The following ACSL1 variants were observed in gnomAD, a reference collection of about 807,000 sequenced individuals.
The protein encoded by ACSL1 is long-chain-fatty-acid--CoA ligase 1.
Under a neutral mutation model 98.4 loss-of-function variants are expected in ACSL1, and 41 were observed. The ratio of observed to expected loss-of-function variants is 0.42; its 90% confidence interval spans 0.32 to 0.54. ACSL1 has a LOEUF of 0.54. Among genes scored for constraint, ACSL1 ranks in the 20% least tolerant of loss-of-function variants. The pLI is 0.13. For missense variants in ACSL1, 734 were observed against 883.1 expected, an observed-to-expected ratio of 0.83 and a Z score of 2.14; for synonymous variants, 316 against 322.7, an observed-to-expected ratio of 0.98 and a Z score of 0.22.
rs764519115 is a variant in ACSL1 at position 184,773,839 on chromosome 4, T to C, written c.789+4A>G. ...CAGAGCAGGGTCTGACACGGTGTGC[T>C]TACCTTGGGCTTCCGTCTGTTGGCT... On this transcript the variant is annotated splice_donor_region_variant and intron_variant, in intron 8 of 20. Transcript: ENST00000281455. The surrounding 1 kb of genome is among the most constrained non-coding windows in gnomAD (Gnocchi z 4.3). 1.9e-6 allele frequency: 3 copies of C among 1,613,954 alleles called. No homozygotes were observed. Among genetic ancestry groups the C allele is most frequent in the Middle Eastern group, 1.7e-4 (1 of 6,056 alleles).
At chr4:184,814,290 CA>C (rs61541962) in intron 1 of ACSL1, among the ~76,000 whole-genome samples, 1,451 of 64,486 alleles carry the variant, frequency 0.023, 18 homozygotes, top group African/African-American at 0.08. Flanking sequence ...GACTCCGCCT[CA>C]AAAAAAAAAA....
At chr4:184,779,414 A>C (rs770269383) in intron 5 of ACSL1, among the ~76,000 whole-genome samples, 1 of 152,174 alleles carries the variant, frequency 6.6e-6, no homozygotes, top group Non-Finnish European at 1.5e-5. Flanking sequence ...TGCAAGTCCA[A>C]TTAAACCTCT....
At chr4:184,791,281 C>T (rs1205122112) in intron 2 of ACSL1, among the ~76,000 whole-genome samples, 1 of 152,218 alleles carries the variant, frequency 6.6e-6, no homozygotes, top group Non-Finnish European at 1.5e-5. Flanking sequence ...CAAGCTTGTT[C>T]TGAAGGAGCC....
chr4:184,804,942 A>G (rs752480916), intron 1 of ACSL1, among the ~76,000 whole-genome samples: 3 of 152,230 alleles, frequency 2.0e-5, no homozygotes, highest in Non-Finnish European at 4.4e-5. Context: ...CTGCACAGCA[A>G]AAGAAACTAC....
chr4:184,789,251 C>T (rs940978069), intron 2 of ACSL1, among the ~76,000 whole-genome samples: 1 of 152,174 alleles, frequency 6.6e-6, no homozygotes, highest in Admixed American at 6.5e-5. Context: ...TACAGACCTA[C>T]AAGTGCTGGT....
chr4:184,774,719 C>T lies in ACSL1; in HGVS notation c.757-844G>A, dbSNP rs1364636834. The stretch of plus-strand genomic sequence containing the variant: ...TGGAATGAACATGCCATTGAACACG[C>T]CATTGAACATGTTCAATTCACGTGG... On this transcript the variant is annotated intron_variant, in intron 7 of 20. Transcript: ENST00000281455. 2.0e-5 allele frequency among the ~76,000 whole-genome samples: 3 copies of T among 152,110 alleles called. No homozygotes were observed. The East Asian group carries it at 5.8e-4, about 29-fold the overall frequency.
chr4:184,770,356 G>C, intron 11 of ACSL1, 43 bp downstream of exon 11: 3 of 1,606,988 alleles, frequency 1.9e-6, no homozygotes, highest in Non-Finnish European at 2.5e-6. Flanking sequence ...CAACTTAGCA[G>C]AACATACACA....
At chr4:184,770,911 G>T (rs1579856866) in intron 10 of ACSL1, among the ~76,000 whole-genome samples, 1 of 152,122 alleles carries the variant, frequency 6.6e-6, no homozygotes, top group Admixed American at 6.5e-5. Context: ...ATCACTTGAG[G>T]TCAGGAGTTC....
intron 10 of ACSL1, among the ~76,000 whole-genome samples, chr4:184,771,595 C>T (rs1764523845): frequency 6.6e-6 from 1 of 152,150 alleles, no homozygotes; most frequent in Non-Finnish European, 1.5e-5. Flanking sequence ...ATGGGCCTTA[C>T]TTAGGGCAGG....
intron 3 of ACSL1, among the ~76,000 whole-genome samples, chr4:184,787,155 C>T (rs962758925): frequency 2.0e-5 from 3 of 152,162 alleles, no homozygotes; most frequent in Admixed American, 1.3e-4. Flanking sequence ...GATTCCAAGA[C>T]CATTTTTAGA....
intron 1 of ACSL1, among the ~76,000 whole-genome samples, chr4:184,812,523 G>A (rs1006249756): frequency 6.6e-6 from 1 of 152,098 alleles, no homozygotes; most frequent in African/African-American, 2.4e-5. Flanking sequence ...GGGGGAAAAA[G>A]AAAAGGGTGC....
intron 1 of ACSL1, among the ~76,000 whole-genome samples, chr4:184,824,125 TTTTTG>T (rs954781776): frequency 6.6e-5 from 10 of 151,946 alleles, no homozygotes; most frequent in African/African-American, 2.2e-4. Context: ...GAAGGGTAAT[TTTTTG>T]TTTTGTTTTG....
At chr4:184,761,652 C>G (rs577420375) in intron 17 of ACSL1, among the ~76,000 whole-genome samples, 1 of 152,144 alleles carries the variant, frequency 6.6e-6, no homozygotes, top group Non-Finnish European at 1.5e-5. Flanking sequence ...AGATGACAAA[C>G]CTAAGAAACA....
intron 1 of ACSL1, among the ~76,000 whole-genome samples, chr4:184,819,372 A>T (rs1249010183): frequency 6.6e-6 from 1 of 151,884 alleles, no homozygotes; most frequent in African/African-American, 2.4e-5. Context: ...CGAACTCCTG[A>T]CCTCAGATGA....
At chr4:184,814,913 A>C in intron 1 of ACSL1, 1 of 390,242 alleles carries the variant, frequency 2.6e-6, no homozygotes. Context: ...CCACAAAAAA[A>C]GAAGCAACAC....
chr4:184,811,273 TA>T (rs1490258487), intron 1 of ACSL1, among the ~76,000 whole-genome samples: 2 of 150,490 alleles, frequency 1.3e-5, no homozygotes, highest in African/African-American at 5.0e-5. Context: ...CACGCCTGGC[TA>T]ATTTTTTTTT....
chr4:184,798,035 C>A (rs1235482093), intron 2 of ACSL1, among the ~76,000 whole-genome samples: 1 of 152,176 alleles, frequency 6.6e-6, no homozygotes, highest in East Asian at 1.9e-4. Context: ...AAAAGGGCCA[C>A]CGGCCAGCAT....
chr4:184,815,261 G>T (rs1257604543), intron 1 of ACSL1, among the ~76,000 whole-genome samples: 1 of 152,186 alleles, frequency 6.6e-6, no homozygotes, highest in African/African-American at 2.4e-5. Context: ...GCCAGACAGT[G>T]CTGTGAGCAA....
intron 1 of ACSL1, chr4:184,813,669 G>A (rs911666394): frequency 4.9e-5 from 15 of 305,990 alleles, no homozygotes; most frequent in Non-Finnish European, 9.6e-5. Flanking sequence ...GAAATAAAAG[G>A]CTTTTTGCCA....
Sources: gnomAD v4.1 joint callset for allele counts (sites outside exome capture counted in the v4.1 genomes callset) on GRCh38, gnomAD v4.1.1 for gene constraint, Gnocchi (gnomAD v3.1) non-coding constraint, MANE v1.5 for transcripts, NCBI Gene and HGNC (gene_info 2026-07-23, HGNC 2026-07-21) for gene names.